Variants in NUMB observed in about 807,000 individuals in gnomAD.
The protein encoded by NUMB is protein numb homolog.
Under a neutral mutation model 59.7 loss-of-function variants are expected in NUMB, and 29 were observed. The observed-to-expected ratio is 0.49, with a 90% CI of 0.36 to 0.66. The LOEUF is 0.66. NUMB is among the 30% of genes least tolerant of loss of function. NUMB has a pLI of 0.00. For synonymous variants in NUMB, 288 were observed against 288.2 expected, an observed-to-expected ratio of 1.00 and a Z score of 0.01; for missense variants, 723 against 822.0, an observed-to-expected ratio of 0.88 and a Z score of 1.47.
intron 2 of NUMB, among the ~76,000 whole-genome samples, chr14:73,400,765 G>A (rs74064627): frequency 0.051 from 7,840 of 152,276 alleles, 657 homozygotes; most frequent in African/African-American, 0.18. Context: ...AAAGGACAGG[G>A]TTTGGAGAGC....
chr14:73,382,827 G>C (rs1416379982), intron 2 of NUMB, among the ~76,000 whole-genome samples: 1 of 152,046 alleles, frequency 6.6e-6, no homozygotes, highest in Non-Finnish European at 1.5e-5. Context: ...TGAAAATCAA[G>C]AGAAAAAAAG....
At chr14:73,438,876 C>A (rs978956544) in intron 1 of NUMB, among the ~76,000 whole-genome samples, 1 of 151,912 alleles carries the variant, frequency 6.6e-6, no homozygotes, top group African/African-American at 2.4e-5. Flanking sequence ...AAGTGATATC[C>A]CTCACTAAGT....
At chr14:73,352,461 CACACACACACACACACATATAT>C (rs1893378980) in intron 4 of NUMB, among the ~76,000 whole-genome samples, 1 of 16,828 alleles carries the variant, frequency 5.9e-5, no homozygotes, top group African/African-American at 2.0e-4. Flanking sequence ...CACACACATA[CACACACACACACACACATATAT>C]ATATATATAT....
chr14:73,380,871 C>T (rs909899729), intron 2 of NUMB, among the ~76,000 whole-genome samples: 1 of 151,874 alleles, frequency 6.6e-6, no homozygotes, highest in Non-Finnish European at 1.5e-5. Flanking sequence ...ATTACAGGTG[C>T]GTGCTACCAC....
At chr14:73,375,099 A>G (rs1458277382) in intron 2 of NUMB, among the ~76,000 whole-genome samples, 1 of 152,158 alleles carries the variant, frequency 6.6e-6, no homozygotes, top group African/African-American at 2.4e-5. Context: ...CCTGGCCTAT[A>G]TTAACTTTTA....
At chr14:73,282,248 T>C (rs1052492369) in intron 11 of NUMB, 111 bp downstream of exon 11, 1 of 917,760 alleles carries the variant, frequency 1.1e-6, no homozygotes, top group Non-Finnish European at 1.6e-6. Flanking sequence ...GAGAAATTAA[T>C]GGGTCTGACC....
chr14:73,332,800 C>T (rs1388687302), intron 4 of NUMB, among the ~76,000 whole-genome samples: 3 of 40,892 alleles, frequency 7.3e-5, no homozygotes, highest in Non-Finnish European at 1.3e-4. Flanking sequence ...TACCAATCTG[C>T]ATTCTGTCTT....
chr14:73,284,307 A>G lies in NUMB; in HGVS notation c.723T>C (p.Ser241=), dbSNP rs2139809362. The G allele has an allele frequency of 6.2e-7, 1 of 1,614,160 alleles. No individual in the cohort carries two copies. The highest frequency in any genetic ancestry group is 8.5e-7 in the Non-Finnish European group (1 of 1,180,012). ...TGGCATCAGAAGTAGGAGAGGTGGG[A>G]GAGGATGGGGATGGGGCAGTGTTGC... The part of the protein sequence containing the change: ...APGNTAPSPS[S]PTSPTSDATT... The change falls in exon 10 of 13, where the codon TCT becomes TCC. Residue 241 remains serine, a synonymous_variant. Transcript: ENST00000555238.
rs143908819 is a variant in NUMB at position 73,414,945 on chromosome 14, C to A, written c.-232-4877G>T. ...CCGTGTTAGACAGGATGGTCTCGAT[C>A]TGCTGACCTTGTGATCTGCCTGCCT... is the stretch of plus-strand genomic sequence containing the variant. On this transcript the variant is annotated intron_variant, in intron 1 of 12. Transcript: ENST00000555238. Among the ~76,000 whole-genome samples the A allele has an allele frequency of 0.013, 1,982 of 152,268 alleles. 99 individuals are homozygous for A. In the South Asian group the frequency reaches 0.16, roughly 12 times the overall value.
Position 73,440,816 on chromosome 14 carries a change from AGACTCCGTCTC to A in NUMB, c.-233+17666_-233+17676del, listed in dbSNP as rs538630581. Among the ~76,000 whole-genome samples the A allele has an allele frequency of 5.7e-3, 724 of 126,546 alleles. 1 individual carries two copies. Among genetic ancestry groups the A allele is most frequent in the Middle Eastern group, 0.036 (9 of 248 alleles). 83.0% of individuals were successfully genotyped at this position (126,546 alleles called of 152,430 possible). A position where few individuals can be genotyped will look rare whatever the true frequency, so the allele number is the denominator to read the frequency against. On this transcript the variant is annotated intron_variant, in intron 1 of 12. Transcript: ENST00000555238. ...GCACTCCAGCCTGGGTGACAGAGCGAGACTCCGTCTCAAAAAAAAAAAAAAAAAAAAAAAGG... is the reference window on the plus strand; with the variant it reads ...GCACTCCAGCCTGGGTGACAGAGCGAAAAAAAAAAAAAAAAAAAAAAAAGG...
At chr14:73,437,650 A>G (rs1025827723) in intron 1 of NUMB, among the ~76,000 whole-genome samples, 15 of 152,278 alleles carry the variant, frequency 9.9e-5, no homozygotes, top group African/African-American at 3.1e-4. Flanking sequence ...AAAAGTATTA[A>G]GCAAAAGTAG....
At chr14:73,428,626 T>TA (rs1400477049) in intron 1 of NUMB, among the ~76,000 whole-genome samples, 4 of 151,960 alleles carry the variant, frequency 2.6e-5, no homozygotes, top group Admixed American at 6.6e-5. Context: ...ACTTTGCCTC[T>TA]AAAAAAAATT....
chr14:73,321,796 A>C (rs1209759779), intron 5 of NUMB, among the ~76,000 whole-genome samples: 1 of 152,192 alleles, frequency 6.6e-6, no homozygotes, highest in Non-Finnish European at 1.5e-5. Context: ...TGAGATAAAG[A>C]GTATGTATAG....
intron 9 of NUMB, chr14:73,285,181 A>C (rs1888904359): frequency 1.3e-5 from 2 of 152,192 alleles, no homozygotes; most frequent in Admixed American, 1.3e-4. Context: ...TTTGTGGTTC[A>C]TTTGAATAAA....
chr14:73,290,654 CCTATT>C (rs1293435956), intron 8 of NUMB, among the ~76,000 whole-genome samples: 1 of 152,208 alleles, frequency 6.6e-6, no homozygotes, highest in Non-Finnish European at 1.5e-5. Flanking sequence ...GGCTATACTG[CCTATT>C]CTGTCTCGAC....
intron 6 of NUMB, chr14:73,298,978 T>C (rs1889948565): frequency 6.6e-6 from 1 of 152,006 alleles, no homozygotes; most frequent in East Asian, 1.9e-4. Flanking sequence ...TATAATCAAA[T>C]CTCTTTGTGG....
rs555507026 is a variant in NUMB at position 73,419,875 on chromosome 14, AT to A, written c.-232-9808del. Among the ~76,000 whole-genome samples the A allele has an allele frequency of 2.0e-3, 311 of 152,116 alleles. 1 individual carries two copies. Among genetic ancestry groups the A allele is most frequent in the Non-Finnish European group, 1.5e-3 (100 of 67,986 alleles). Reference sequence around the variant, plus strand: ...CAAACTTAGTCCAAGCTGAAACTTAATTTTTTTTGAGAAAGAGTCTTGCCCT... The same window carrying A: ...CAAACTTAGTCCAAGCTGAAACTTAATTTTTTTGAGAAAGAGTCTTGCCCT... On this transcript the variant is annotated intron_variant, in intron 1 of 12. Transcript: ENST00000555238.
At chr14:73,286,068 C>T (rs529861068) in intron 9 of NUMB, 1 of 151,824 alleles carries the variant, frequency 6.6e-6, no homozygotes, top group African/African-American at 2.4e-5. Context: ...GTTACCCAGG[C>T]TGGAGGAGTG....
At position 73,355,738 on chromosome 14, in the gene NUMB, C is replaced by T. The variant is rs750059278; in HGVS notation, c.14G>A (p.Arg5Gln). The part of the protein sequence containing the change: MNKL[R>Q]QSFRRKKDVY... ...ATCCTTCTTTCTCCTAAAACTTTGCCGTAATTTGTTCATTTTAATTTTTAC... is the reference window on the plus strand; with the variant it reads ...ATCCTTCTTTCTCCTAAAACTTTGCTGTAATTTGTTCATTTTAATTTTTAC... Residue 5 changes from arginine (R) to glutamine (Q), a missense_variant, in exon 4 of 13, where the codon CGG becomes CAG. Around this residue, in one of 2 missense-constraint regions of NUMB, gnomAD observed 317 missense variants for 436.6 expected, o/e 0.73. Coordinates refer to ENST00000555238, the MANE Select transcript of NUMB (RefSeq NM_001005743.2). 1.7e-5 allele frequency: 28 copies of T among 1,611,242 alleles called. No homozygotes were observed. The highest frequency in any genetic ancestry group is 2.2e-5 in the East Asian group (1 of 44,780).
Sources: gnomAD v4.1 joint callset for allele counts (sites outside exome capture counted in the v4.1 genomes callset) on GRCh38, gnomAD v4.1.1 for gene constraint, gnomAD v4.1.1 regional missense constraint, MANE v1.5 for transcripts, NCBI Gene and HGNC (gene_info 2026-07-23, HGNC 2026-07-21) for gene names.